Variants in PAK5 observed in about 807,000 individuals in gnomAD.
The protein encoded by PAK5 is p21 (RAC1) activated kinase 5.
PAK5 carries 16 observed loss-of-function variants against 65.9 expected under a neutral mutation model. The observed-to-expected ratio is 0.24, with a 90% CI of 0.16 to 0.37. The LOEUF (loss-of-function observed/expected upper bound fraction) is 0.37, where lower values mean the gene tolerates loss of function less well. PAK5 is among the 10% of genes least tolerant of loss of function. The pLI is 1.00. For missense variants in PAK5, 785 were observed against 903.9 expected, an observed-to-expected ratio of 0.87 and a Z score of 1.69; for synonymous variants, 371 against 354.9, an observed-to-expected ratio of 1.05 and a Z score of -0.51.
At chr20:9,591,177 A>G (rs1232543202) in intron 3 of PAK5, among the ~76,000 whole-genome samples, 2 of 152,174 alleles carry the variant, frequency 1.3e-5, no homozygotes, top group African/African-American at 2.4e-5. Flanking sequence ...CCCCTTTATA[A>G]GAAGGAAGAA....
At chr20:9,627,676 G>A (rs1449249416) in intron 3 of PAK5, among the ~76,000 whole-genome samples, 2 of 151,630 alleles carry the variant, frequency 1.3e-5, no homozygotes, top group African/African-American at 2.4e-5. Context: ...ACTCAGGCTG[G>A]AGTGCAGTGG....
At chr20:9,698,852 C>G (rs751273083) in intron 2 of PAK5, among the ~76,000 whole-genome samples, 96 of 152,142 alleles carry the variant, frequency 6.3e-4, no homozygotes, top group Non-Finnish European at 1.0e-3. Context: ...TCCCATGAAG[C>G]TTATTGTAAT....
At chr20:9,555,988 C>T (rs549532951) in intron 7 of PAK5, among the ~76,000 whole-genome samples, 1 of 152,306 alleles carries the variant, frequency 6.6e-6, no homozygotes, top group South Asian at 2.1e-4. Context: ...CAAGAGGGAG[C>T]TCAGCTGATG....
intron 3 of PAK5, among the ~76,000 whole-genome samples, chr20:9,641,649 C>T (rs971181137): frequency 1.3e-5 from 2 of 151,912 alleles, no homozygotes; most frequent in East Asian, 1.9e-4. Flanking sequence ...GGGTGGTGCT[C>T]GTCAGGGAGG....
intron 3 of PAK5, among the ~76,000 whole-genome samples, chr20:9,621,830 G>T (rs2046774002): frequency 6.6e-6 from 1 of 152,166 alleles, no homozygotes. Flanking sequence ...ATGACTTATT[G>T]AAAAATGGTA....
chr20:9,575,191 T>TTTTTGTTTTG (rs143944343), intron 4 of PAK5, among the ~76,000 whole-genome samples: 3 of 151,718 alleles, frequency 2.0e-5, no homozygotes, highest in East Asian at 3.9e-4. Context: ...CTTCCCATCC[T>TTTTTGTTTTG]TTTTGTTTTG....
Position 9,708,735 on chromosome 20 carries a change from C to T in PAK5, c.-12+2551G>A, listed in dbSNP as rs548748884. Among the ~76,000 whole-genome samples, 16 of 152,130 alleles carry T rather than the reference C, an allele frequency of 1.1e-4. No homozygotes were observed. The East Asian group carries it at 2.5e-3, about 24-fold the overall frequency. ...TGGCACGTTACAAATACCAGGGAGT[C>T]GACACTCCACACCTCCACCTAAGGG... On this transcript the variant is annotated intron_variant, in intron 2 of 9. Transcript: ENST00000353224.
intron 1 of PAK5, among the ~76,000 whole-genome samples, chr20:9,803,575 A>G (rs1435726672): frequency 6.6e-6 from 1 of 152,198 alleles, no homozygotes; most frequent in African/African-American, 2.4e-5. Flanking sequence ...CTTTGAAATA[A>G]ATGTAGATCA....
intron 1 of PAK5, among the ~76,000 whole-genome samples, chr20:9,761,620 C>T (rs919414577): frequency 2.6e-5 from 4 of 152,094 alleles, no homozygotes; most frequent in Non-Finnish European, 4.4e-5. Context: ...AGGCTGGAGG[C>T]ACCATACTTC....
At chr20:9,767,837 C>T (rs975124273) in intron 1 of PAK5, among the ~76,000 whole-genome samples, 20 of 152,066 alleles carry the variant, frequency 1.3e-4, no homozygotes, top group East Asian at 3.9e-4. Flanking sequence ...ATGATAACAA[C>T]GACATGGAAT....
chr20:9,617,806 C>T (rs375276558), intron 3 of PAK5, among the ~76,000 whole-genome samples: 185 of 152,126 alleles, frequency 1.2e-3, no homozygotes, highest in African/African-American at 4.3e-3. Flanking sequence ...CCACCCGCCT[C>T]GGCCTCCCAA....
chr20:9,565,726 A>G (rs2045664418), intron 5 of PAK5, among the ~76,000 whole-genome samples, 167 bp downstream of exon 5: 1 of 152,226 alleles, frequency 6.6e-6, no homozygotes, highest in Admixed American at 6.5e-5. Flanking sequence ...TAACAGCCAT[A>G]TATGTGCATA....
At chr20:9,674,939 C>A (rs1476774476) in intron 2 of PAK5, among the ~76,000 whole-genome samples, 1 of 152,172 alleles carries the variant, frequency 6.6e-6, no homozygotes. Flanking sequence ...AGAGAAGGAG[C>A]TAGCTGCAGG....
At chr20:9,725,092 A>C (rs904291866) in intron 1 of PAK5, among the ~76,000 whole-genome samples, 6 of 152,070 alleles carry the variant, frequency 3.9e-5, no homozygotes, top group Non-Finnish European at 7.3e-5. Flanking sequence ...CACACACACA[A>C]ACAAACATGC....
intron 3 of PAK5, among the ~76,000 whole-genome samples, chr20:9,583,048 C>T (rs375366608): frequency 5.3e-5 from 8 of 152,134 alleles, no homozygotes; most frequent in East Asian, 1.9e-4. Flanking sequence ...CTCCAAGGAA[C>T]GCTAATAGTA....
At chr20:9,796,760 A>G (rs988414839) in intron 1 of PAK5, among the ~76,000 whole-genome samples, 16 of 152,130 alleles carry the variant, frequency 1.1e-4, no homozygotes, top group Non-Finnish European at 2.9e-5. Context: ...ATCAAAGACT[A>G]CAGTCAAAAT....
chr20:9,755,742 G>T (rs1466808610), intron 1 of PAK5, among the ~76,000 whole-genome samples: 1 of 152,082 alleles, frequency 6.6e-6, no homozygotes, highest in East Asian at 1.9e-4. Context: ...CCAAATCAAG[G>T]CTCTAATGAA....
At chr20:9,834,552 G>A (rs1167242272) in intron 1 of PAK5, among the ~76,000 whole-genome samples, 1 of 152,014 alleles carries the variant, frequency 6.6e-6, no homozygotes, top group Non-Finnish European at 1.5e-5. Flanking sequence ...GCAATTGCAT[G>A]CTCTTCTATA....
chr20:9,608,138 A>C (rs2046489321), intron 3 of PAK5, among the ~76,000 whole-genome samples: 1 of 152,118 alleles, frequency 6.6e-6, no homozygotes, highest in Non-Finnish European at 1.5e-5. Flanking sequence ...GCCCTTATTG[A>C]CCTAATCAAT....
Sources: gnomAD v4.1 joint callset for allele counts (sites outside exome capture counted in the v4.1 genomes callset) on GRCh38, gnomAD v4.1.1 for gene constraint, MANE v1.5 for transcripts, NCBI Gene and HGNC (gene_info 2026-07-23, HGNC 2026-07-21) for gene names.